Variants in ENTREP2 observed in about 807,000 individuals in gnomAD.
ENTREP2 encodes the protein protein ENTREP2.
the ENTREP2 span, among the ~76,000 whole-genome samples, chr15:29,439,284 T>TACAAACAC: frequency 8.8e-3 from 858 of 97,104 alleles, 15 homozygotes; most frequent in African/African-American, 0.038. Flanking sequence ...AAATTGGAAT[T>TACAAACAC]ACACACACAC....
At chr15:29,160,296 G>A in the ENTREP2 span, among the ~76,000 whole-genome samples, 3 of 152,180 alleles carry the variant, frequency 2.0e-5, no homozygotes, top group East Asian at 3.9e-4. Flanking sequence ...AACCGACTCT[G>A]GCCTTGGCAA....
the ENTREP2 span, among the ~76,000 whole-genome samples, chr15:29,460,179 G>C: frequency 1.3e-5 from 2 of 152,080 alleles, no homozygotes; most frequent in Admixed American, 1.3e-4. Flanking sequence ...GTGAGCCCAG[G>C]AGTTTGAGGC....
the ENTREP2 span, among the ~76,000 whole-genome samples, chr15:29,364,065 A>C: frequency 6.6e-6 from 1 of 152,132 alleles, no homozygotes; most frequent in Non-Finnish European, 1.5e-5. Flanking sequence ...TTTTGAGAGA[A>C]GAAATATGGA....
the ENTREP2 span, among the ~76,000 whole-genome samples, chr15:29,620,925 C>A: frequency 6.6e-6 from 1 of 152,170 alleles, no homozygotes; most frequent in South Asian, 2.1e-4. Flanking sequence ...TAAAGACATG[C>A]AAAAGATGCA....
chr15:29,465,985 A>G, the ENTREP2 span, among the ~76,000 whole-genome samples: 1,108 of 152,288 alleles, frequency 7.3e-3, 10 homozygotes, highest in Non-Finnish European at 0.011. Flanking sequence ...ATACTGATGA[A>G]CTGCCAGGTT....
At chr15:29,439,723 C>T in the ENTREP2 span, among the ~76,000 whole-genome samples, 2 of 152,168 alleles carry the variant, frequency 1.3e-5, no homozygotes, top group African/African-American at 4.8e-5. Flanking sequence ...TAACTCACGT[C>T]CACTAATTCT....
At chr15:29,487,852 C>T in the ENTREP2 span, among the ~76,000 whole-genome samples, 1 of 152,182 alleles carries the variant, frequency 6.6e-6, no homozygotes, top group Non-Finnish European at 1.5e-5. Context: ...ACCACCACAC[C>T]TGGCTAATTT....
chr15:29,648,000 A>G, the ENTREP2 span, among the ~76,000 whole-genome samples: 2 of 152,252 alleles, frequency 1.3e-5, no homozygotes, highest in African/African-American at 4.8e-5. Flanking sequence ...AACTTAACAA[A>G]AACACGCAAC....
chr15:29,541,638 GA>G, the ENTREP2 span, among the ~76,000 whole-genome samples: 10 of 152,050 alleles, frequency 6.6e-5, no homozygotes, highest in Non-Finnish European at 1.0e-4. Flanking sequence ...CCTTGTCTTA[GA>G]AAAAAGGAAT....
chr15:29,635,582 C>T, the ENTREP2 span, among the ~76,000 whole-genome samples: 3 of 152,218 alleles, frequency 2.0e-5, no homozygotes, highest in South Asian at 2.1e-4. Flanking sequence ...CAAGGAATAG[C>T]GAGAGAAGGC....
At chr15:29,667,312 C>T in the ENTREP2 span, among the ~76,000 whole-genome samples, 11 of 151,450 alleles carry the variant, frequency 7.3e-5, no homozygotes, top group Admixed American at 2.6e-4. Flanking sequence ...CTCAGCCTCC[C>T]GAGTAGCTGG....
chr15:29,286,213 A>C, the ENTREP2 span, among the ~76,000 whole-genome samples: 11 of 152,212 alleles, frequency 7.2e-5, no homozygotes, highest in Non-Finnish European at 1.2e-4. Context: ...TAAAAGTTAC[A>C]AGATTGGGGA....
chr15:29,393,666 G>C, the ENTREP2 span, among the ~76,000 whole-genome samples: 1 of 152,064 alleles, frequency 6.6e-6, no homozygotes, highest in Non-Finnish European at 1.5e-5. Context: ...AGAATCAGAA[G>C]GAAATCCCCC....
chr15:29,433,355 T>G, the ENTREP2 span, among the ~76,000 whole-genome samples: 1 of 152,236 alleles, frequency 6.6e-6, no homozygotes, highest in Non-Finnish European at 1.5e-5. Flanking sequence ...CCTTCCCAGT[T>G]TGCTCCTTTC....
At chr15:29,340,024 T>G in the ENTREP2 span, among the ~76,000 whole-genome samples, 1 of 152,260 alleles carries the variant, frequency 6.6e-6, no homozygotes, top group East Asian at 1.9e-4. Context: ...TGTGTTAGGA[T>G]AAGACACTAA....
At chr15:29,480,693 G>A in the ENTREP2 span, among the ~76,000 whole-genome samples, 1 of 152,200 alleles carries the variant, frequency 6.6e-6, no homozygotes, top group Admixed American at 6.5e-5. Context: ...AACCTGGACT[G>A]CTGTCAGAGC....
the ENTREP2 span, among the ~76,000 whole-genome samples, chr15:29,636,861 G>A: frequency 6.6e-6 from 1 of 152,084 alleles, no homozygotes; most frequent in South Asian, 2.1e-4. Flanking sequence ...AGTATTTCTG[G>A]GTTGAGAGAT....
the ENTREP2 span, among the ~76,000 whole-genome samples, chr15:29,607,040 C>T: frequency 4.3e-4 from 66 of 152,204 alleles, no homozygotes; most frequent in East Asian, 1.9e-4. Flanking sequence ...ACCATGTTGG[C>T]CAGGCTGTTC....
At chr15:29,664,917 TC>T in the ENTREP2 span, among the ~76,000 whole-genome samples, 1 of 152,184 alleles carries the variant, frequency 6.6e-6, no homozygotes, top group African/African-American at 2.4e-5. Context: ...TCCTGGTGTG[TC>T]CCCAATCCAA....
Sources: gnomAD v4.1 joint callset for allele counts (sites outside exome capture counted in the v4.1 genomes callset) on GRCh38, gnomAD v4.1.1 for gene constraint, MANE v1.5 for transcripts, NCBI Gene and HGNC (gene_info 2026-07-23, HGNC 2026-07-21) for gene names.